The following WAPL variants were observed in gnomAD, a reference collection of about 807,000 sequenced individuals.
WAPL encodes WAPL cohesin release factor, also known as wings apart-like protein homolog.
WAPL carries 5 observed loss-of-function variants against 121.0 expected under a neutral mutation model. That is an observed-to-expected ratio of 0.04 (90% CI 0.02 to 0.09). The LOEUF (loss-of-function observed/expected upper bound fraction) is 0.09. WAPL is among the 10% of genes least tolerant of loss of function. WAPL has a pLI of 1.00. For synonymous variants in WAPL, 480 were observed against 481.5 expected (o/e 1.00, Z 0.04); for missense variants, 999 against 1,410.8 (o/e 0.71, Z 4.68).
intron 2 of WAPL, among the ~76,000 whole-genome samples, chr10:86,501,012 C>T (rs1404864717): frequency 6.6e-6 from 1 of 152,184 alleles, no homozygotes; most frequent in East Asian, 1.9e-4. Flanking sequence ...GGTTAAGCAA[C>T]TGAATCCATT....
At chr10:86,445,216 A>G (rs1435091055) in intron 16 of WAPL, among the ~76,000 whole-genome samples, 1 of 152,214 alleles carries the variant, frequency 6.6e-6, no homozygotes, top group African/African-American at 2.4e-5. Flanking sequence ...GCATACTGTA[A>G]ATCATTTCTA....
intron 4 of WAPL, among the ~76,000 whole-genome samples, chr10:86,483,794 C>T (rs7099343): frequency 8.8e-3 from 607 of 69,180 alleles, no homozygotes; most frequent in Middle Eastern, 0.058. Context: ...ATTTTTTTTT[C>T]TTTTTTTTTT....
chr10:86,461,343 TTG>T (rs1338174470), intron 9 of WAPL, 56 bp from the exon 10 acceptor site: 6 of 1,406,532 alleles, frequency 4.3e-6, no homozygotes, highest in African/African-American at 1.4e-5. Context: ...ACTCTAGAAA[TTG>T]TTTCTCTTTA....
At chr10:86,518,970 T>C (rs1172236393) in intron 1 of WAPL, among the ~76,000 whole-genome samples, 2 of 152,228 alleles carry the variant, frequency 1.3e-5, no homozygotes, top group African/African-American at 4.8e-5. Context: ...CTTGTCCCGA[T>C]AGTGCTGTGC....
chr10:86,488,860 A>G (rs1366040116), intron 4 of WAPL, among the ~76,000 whole-genome samples: 1 of 152,230 alleles, frequency 6.6e-6, no homozygotes, highest in Non-Finnish European at 1.5e-5. Context: ...TTTGGCAACC[A>G]ATGTTGTAAA....
chr10:86,504,822 GACAACAAAAA>G (rs1398280673), intron 2 of WAPL, among the ~76,000 whole-genome samples: 2 of 151,714 alleles, frequency 1.3e-5, no homozygotes, highest in Admixed American at 6.6e-5. Flanking sequence ...GCTCCATCTT[GACAACAAAAA>G]ACAACAAAAA....
In WAPL at chr10:86,521,462, G is replaced by C. The variant is rs934256410; in HGVS notation, c.-120C>G. On this transcript the variant is annotated 5_prime_UTR_variant, in exon 1 of 19. Transcript: ENST00000298767. ...CGCGGAACCCTCGCGCGGGAGAGCAGGGCCGGCAGGTGAGAGCCGAGAGAG... is the reference window on the plus strand; with the variant it reads ...CGCGGAACCCTCGCGCGGGAGAGCACGGCCGGCAGGTGAGAGCCGAGAGAG... 3 of 321,198 alleles carry C rather than the reference G, an allele frequency of 9.3e-6. No individual in the cohort carries two copies. The highest frequency in any genetic ancestry group is 7.1e-5 in the African/African-American group (3 of 42,380). The allele number at this position is 321,198 out of a possible 1,614,324, so 19.9% of individuals were successfully genotyped here. A position where few individuals can be genotyped will look rare whatever the true frequency, so the allele number is the denominator to read the frequency against.
At chr10:86,437,736 T>C (rs1426903916) in intron 18 of WAPL, 128 bp from the exon 19 acceptor site, 8 of 1,102,738 alleles carry the variant, frequency 7.3e-6, no homozygotes, top group Non-Finnish European at 9.0e-6. Context: ...CGAGATTAAA[T>C]TGTGGGTTTG....
In WAPL at chr10:86,500,648, T is replaced by C; in HGVS notation, c.595A>G (p.Thr199Ala). 6.2e-7 allele frequency: 1 copy of C among 1,613,908 alleles called. No homozygotes were observed. The highest frequency in any genetic ancestry group is 1.1e-5 in the South Asian group (1 of 90,970). Residue 199 changes from threonine (T) to alanine (A), a missense_variant, in exon 3 of 19, where the codon ACA becomes GCA. Coordinates refer to ENST00000298767, the MANE Select transcript of WAPL (RefSeq NM_015045.5). ...DSTKKPNAET[T>A]VASEIKETND... is the part of the protein sequence containing the mutation. ...GTTTCCTTGATTTCAGAAGCCACTG[T>C]AGTTTCTGCATTGGGTTTCTTAGTA... is the stretch of plus-strand genomic sequence containing the variant.
At chr10:86,508,570 T>G (rs1199711948) in intron 2 of WAPL, among the ~76,000 whole-genome samples, 1 of 152,188 alleles carries the variant, frequency 6.6e-6, no homozygotes, top group Non-Finnish European at 1.5e-5. Context: ...ATCCAAGGTC[T>G]GCCTTGCAGT....
rs1019863421 is a variant in WAPL at position 86,436,474 on chromosome 10, T to A, written c.*1069A>T. ...ATTAAATCTATAAAATGTTTTGTGT[T>A]CCATAACTGTTTTTCAAATAACTGC... On this transcript the variant is annotated 3_prime_UTR_variant, in exon 19 of 19. Coordinates refer to ENST00000298767, the MANE Select transcript of WAPL (RefSeq NM_015045.5). The A allele has an allele frequency of 6.6e-6, 1 of 152,620 alleles. No individual in the cohort carries two copies. The allele number at this position is 152,620 out of a possible 1,614,324, so 9.5% of individuals were successfully genotyped here.
rs1849310023 is a variant in WAPL, at chr10:86,435,948, C to T, written c.*1595G>A. 6.6e-6 allele frequency: 1 copy of T among 152,124 alleles called. No individual in the cohort carries two copies. The highest frequency in any genetic ancestry group is 2.4e-5 in the African/African-American group (1 of 41,362). 9.4% of individuals were successfully genotyped at this position (152,124 alleles called of 1,614,324 possible). On this transcript the variant is annotated 3_prime_UTR_variant, in exon 19 of 19. Transcript: ENST00000298767. ...GTATTTTGCTAAGCTAGCTTTAATA[C>T]TCAGGGCAAATACAATCTCAATGGT...
At chr10:86,486,772 T>C (rs1048735174) in intron 4 of WAPL, among the ~76,000 whole-genome samples, 1 of 151,866 alleles carries the variant, frequency 6.6e-6, no homozygotes, top group African/African-American at 2.4e-5. Flanking sequence ...CTGGGAAAAA[T>C]GGTGAAACCC....
chr10:86,486,727 C>A (rs1258753521), intron 4 of WAPL, among the ~76,000 whole-genome samples: 1 of 152,026 alleles, frequency 6.6e-6, no homozygotes, highest in Non-Finnish European at 1.5e-5. Flanking sequence ...AGGCCGAGAC[C>A]GGCAGATGGC....
chr10:86,449,814 AAGAT>A (rs1236254078), intron 15 of WAPL, among the ~76,000 whole-genome samples: 2 of 152,222 alleles, frequency 1.3e-5, no homozygotes, highest in Admixed American at 6.5e-5. Context: ...GAGATGGAAA[AAGAT>A]AGAAAACACG....
Position 86,461,191 on chromosome 10 carries a change from G to T in WAPL, c.2467C>A (p.His823Asn). ...EELRLLGGLD[H>N]IVDKVKECVD... ...AATATCATACCTTTATCTACAATAT[G>T]ATCCAGACCACCCAAAAGCCGGAGT... is the stretch of plus-strand genomic sequence containing the variant. The change falls in exon 10 of 19, where the codon CAT becomes AAT. Residue 823 changes from histidine (H) to asparagine (N), a missense_variant. Around this residue, in one of 7 missense-constraint regions of WAPL, gnomAD observed 118 missense variants for 318.3 expected, o/e 0.37. Transcript: ENST00000298767. 6.2e-7 allele frequency: 1 copy of T among 1,612,556 alleles called. No individual in the cohort carries two copies. Among genetic ancestry groups the T allele is most frequent in the South Asian group, 1.1e-5 (1 of 90,984 alleles).
rs1256756593 is a variant in WAPL at position 86,472,839 on chromosome 10, T to C, written c.1741-75A>G. On this transcript the variant is annotated intron_variant, in intron 5 of 18. Transcript: ENST00000298767. The surrounding 1 kb of genome is among the most constrained non-coding windows in gnomAD (Gnocchi z 4.2). Reference sequence around the variant, plus strand: ...AGGAACGTCTCATCTATCTGGCAAATTCAGCTTCAAAAAAAAGTAAATAAA... The same window carrying C: ...AGGAACGTCTCATCTATCTGGCAAACTCAGCTTCAAAAAAAAGTAAATAAA... 1 of 1,407,388 alleles carries C rather than the reference T, an allele frequency of 7.1e-7. No individual in the cohort carries two copies. Among genetic ancestry groups the C allele is most frequent in the Non-Finnish European group, 9.4e-7 (1 of 1,058,714 alleles). The allele number at this position is 1,407,388 out of a possible 1,614,324, so 87.2% of individuals were successfully genotyped here. A position where few individuals can be genotyped will look rare whatever the true frequency, so the allele number is the denominator to read the frequency against.
At chr10:86,461,072 A>T in intron 10 of WAPL, 104 bp downstream of exon 10, 1 of 914,350 alleles carries the variant, frequency 1.1e-6, no homozygotes, top group Non-Finnish European at 1.6e-6. Flanking sequence ...TAATGATAAT[A>T]GACATTTCCA....
Position 86,437,383 on chromosome 10 carries a change from G to C in WAPL, c.*160C>G, listed in dbSNP as rs757159274. On this transcript the variant is annotated 3_prime_UTR_variant, in exon 19 of 19. Coordinates refer to ENST00000298767, the MANE Select transcript of WAPL (RefSeq NM_015045.5). ...TAGTAACTGTCATTTAGCAAATGCC[G>C]AATGCATGACGAAGAAATCAGGTGG... 1 of 619,890 alleles carries C rather than the reference G, an allele frequency of 1.6e-6. No homozygotes were observed. Among genetic ancestry groups the C allele is most frequent in the Admixed American group, 3.4e-5 (1 of 29,048 alleles). The allele number at this position is 619,890 out of a possible 1,614,324, so 38.4% of individuals were successfully genotyped here.
Sources: allele counts gnomAD v4.1 joint callset (sites outside exome capture counted in the v4.1 genomes callset), GRCh38; gene constraint gnomAD v4.1.1; regional missense constraint gnomAD v4.1.1; non-coding constraint Gnocchi (gnomAD v3.1); transcripts MANE v1.5; gene names NCBI Gene and HGNC (gene_info 2026-07-23, HGNC 2026-07-21).